CIMIP5: variants seen among roughly 807,000 people sequenced by gnomAD.
CIMIP5 encodes uncharacterized protein C2orf50.
chr2:11,149,654 T>G, the CIMIP5 span, among the ~76,000 whole-genome samples: 1 of 152,022 alleles, frequency 6.6e-6, no homozygotes, highest in Non-Finnish European at 1.5e-5. Flanking sequence ...CTGCAGTGAT[T>G]TATGATCTGA....
At chr2:11,149,811 T>G in the CIMIP5 span, among the ~76,000 whole-genome samples, 1 of 152,316 alleles carries the variant, frequency 6.6e-6, no homozygotes, top group Admixed American at 6.5e-5. Context: ...GATCCTTGAC[T>G]GGATCCTGGG....
chr2:11,137,255 C>T, the CIMIP5 span, among the ~76,000 whole-genome samples: 1 of 152,112 alleles, frequency 6.6e-6, no homozygotes, highest in Non-Finnish European at 1.5e-5. Context: ...CACCTGTAAT[C>T]CCAGCTACTC....
At chr2:11,149,043 CT>C in the CIMIP5 span, among the ~76,000 whole-genome samples, 1 of 152,050 alleles carries the variant, frequency 6.6e-6, no homozygotes, top group African/African-American at 2.4e-5. Context: ...CATGAAAACT[CT>C]TTTCTATTGA....
At chr2:11,135,471 C>G in the CIMIP5 span, among the ~76,000 whole-genome samples, 24 of 152,152 alleles carry the variant, frequency 1.6e-4, no homozygotes, top group Non-Finnish European at 2.9e-4. Flanking sequence ...CACACTGTCA[C>G]CCAGGCTGGA....
At chr2:11,150,627 C>T in the CIMIP5 span, among the ~76,000 whole-genome samples, 4 of 144,532 alleles carry the variant, frequency 2.8e-5, no homozygotes, top group Admixed American at 7.1e-5. Flanking sequence ...CCACCGTGCC[C>T]GGTGGTTTAG....
At chr2:11,144,269 C>G in the CIMIP5 span, 1 of 514,602 alleles carries the variant, frequency 1.9e-6, no homozygotes, top group Non-Finnish European at 3.3e-6. Context: ...AGGGGTCACT[C>G]TTACACACTT....
the CIMIP5 span, among the ~76,000 whole-genome samples, chr2:11,148,954 G>C: frequency 1.3e-5 from 2 of 151,220 alleles, no homozygotes; most frequent in Non-Finnish European, 3.0e-5. Flanking sequence ...AGCTGGTCTC[G>C]AACTCCTGAC....
chr2:11,153,390 C>T, the CIMIP5 span, among the ~76,000 whole-genome samples: 1 of 152,176 alleles, frequency 6.6e-6, no homozygotes, highest in Non-Finnish European at 1.5e-5. Context: ...CAGGCTGACC[C>T]CAGGTGGGAG....
the CIMIP5 span, among the ~76,000 whole-genome samples, chr2:11,134,834 A>G: frequency 6.6e-6 from 1 of 152,210 alleles, no homozygotes; most frequent in African/African-American, 2.4e-5. Context: ...ATTGCTGTCA[A>G]GGAACACCTG....
At chr2:11,152,953 G>A in the CIMIP5 span, among the ~76,000 whole-genome samples, 1 of 152,336 alleles carries the variant, frequency 6.6e-6, no homozygotes, top group African/African-American at 2.4e-5. Context: ...TTTGCACCTG[G>A]TGGGGAATGA....
chr2:11,144,071 C>T, the CIMIP5 span: 16 of 1,599,018 alleles, frequency 1.0e-5, no homozygotes, highest in African/African-American at 1.3e-5. Context: ...ACAGAAGGGG[C>T]CCGGAAGAAG....
chr2:11,133,921 G>T, the CIMIP5 span, among the ~76,000 whole-genome samples: 1 of 152,120 alleles, frequency 6.6e-6, no homozygotes, highest in Non-Finnish European at 1.5e-5. Context: ...GACCTGACTC[G>T]GGGAAAGGAT....
the CIMIP5 span, chr2:11,133,353 C>T: frequency 2.5e-6 from 4 of 1,605,652 alleles, no homozygotes; most frequent in South Asian, 4.4e-5. Context: ...CCACCCCACC[C>T]CTGGGCTCCA....
chr2:11,142,435 A>G, the CIMIP5 span, among the ~76,000 whole-genome samples: 1 of 152,086 alleles, frequency 6.6e-6, no homozygotes, highest in African/African-American at 2.4e-5. Context: ...TTCTGGAGGG[A>G]AAATTCAGCT....
chr2:11,153,666 G>A, the CIMIP5 span, among the ~76,000 whole-genome samples: 2 of 152,202 alleles, frequency 1.3e-5, no homozygotes, highest in Admixed American at 1.3e-4. Flanking sequence ...AGCTCTTTAC[G>A]CTGGGCGCGG....
the CIMIP5 span, among the ~76,000 whole-genome samples, chr2:11,147,370 C>T: frequency 6.6e-6 from 1 of 152,188 alleles, no homozygotes; most frequent in African/African-American, 2.4e-5. Context: ...GCATCTCCAG[C>T]TCCAGGATTC....
chr2:11,143,229 G>A, the CIMIP5 span, among the ~76,000 whole-genome samples: 8 of 152,124 alleles, frequency 5.3e-5, no homozygotes, highest in Non-Finnish European at 8.8e-5. Flanking sequence ...ATGGAGTAAC[G>A]TACAGCACTG....
At chr2:11,136,398 A>G in the CIMIP5 span, among the ~76,000 whole-genome samples, 1 of 152,228 alleles carries the variant, frequency 6.6e-6, no homozygotes, top group South Asian at 2.1e-4. Context: ...AAAGGTGAGG[A>G]AGGAGTAAAG....
the CIMIP5 span, among the ~76,000 whole-genome samples, chr2:11,139,806 G>A: frequency 6.6e-6 from 1 of 152,198 alleles, no homozygotes; most frequent in African/African-American, 2.4e-5. Context: ...TTTTGTTCTG[G>A]CTGGGCACAG....
Sources: allele counts gnomAD v4.1 joint callset (sites outside exome capture counted in the v4.1 genomes callset), GRCh38; gene constraint gnomAD v4.1.1; transcripts MANE v1.5; gene names NCBI Gene and HGNC (gene_info 2026-07-23, HGNC 2026-07-21).